The following CRY1 variants were observed in gnomAD, a reference collection of about 807,000 sequenced individuals.
The protein encoded by CRY1 is cryptochrome circadian regulator 1, also known as cryptochrome-1.
Under a neutral mutation model 76.0 loss-of-function variants are expected in CRY1, and 45 were observed. The observed-to-expected ratio is 0.59, with a 90% CI of 0.47 to 0.76. The LOEUF (loss-of-function observed/expected upper bound fraction) is 0.76. CRY1 is among the 30% of genes least tolerant of loss of function. The pLI is 0.00. For synonymous variants in CRY1, 248 were observed against 244.0 expected (o/e 1.02, Z -0.15); for missense variants, 587 against 716.4 (o/e 0.82, Z 2.06).
intron 1 of CRY1, among the ~76,000 whole-genome samples, chr12:107,078,731 T>G (rs1953287701): frequency 6.6e-6 from 1 of 152,154 alleles, no homozygotes; most frequent in African/African-American, 2.4e-5. Context: ...AACTCACTCT[T>G]TTCCTCACCT....
At chr12:107,092,146 T>C (rs1160482152) in intron 1 of CRY1, among the ~76,000 whole-genome samples, 1 of 152,196 alleles carries the variant, frequency 6.6e-6, no homozygotes, top group African/African-American at 2.4e-5. Flanking sequence ...CTAACAATCA[T>C]GTAGCCTGGT....
intron 1 of CRY1, among the ~76,000 whole-genome samples, chr12:107,039,819 CAA>C (rs1364064305): frequency 6.6e-6 from 1 of 151,996 alleles, no homozygotes; most frequent in Non-Finnish European, 1.5e-5. Context: ...GGTTTTTATC[CAA>C]AAGAACTAAA....
At chr12:107,067,210 A>G (rs2136888739) in intron 1 of CRY1, among the ~76,000 whole-genome samples, 1 of 152,260 alleles carries the variant, frequency 6.6e-6, no homozygotes, top group Middle Eastern at 3.4e-3. Context: ...GGGCTGCATA[A>G]AAAAAAGAAG....
intron 1 of CRY1, among the ~76,000 whole-genome samples, chr12:107,044,349 C>T (rs1952828159): frequency 6.6e-6 from 1 of 152,160 alleles, no homozygotes; most frequent in African/African-American, 2.4e-5. Flanking sequence ...TATGCTGCTG[C>T]AGCTGCTGCC....
intron 2 of CRY1, among the ~76,000 whole-genome samples, chr12:107,013,811 T>C (rs1952469911): frequency 6.6e-6 from 1 of 152,230 alleles, no homozygotes. Flanking sequence ...AAATAAGCTA[T>C]TTTAAAAGAT....
chr12:107,007,512 A>G (rs1233657915), intron 2 of CRY1, among the ~76,000 whole-genome samples: 1 of 151,914 alleles, frequency 6.6e-6, no homozygotes, highest in African/African-American at 2.4e-5. Context: ...TCAATGAATG[A>G]CAGGAACTCT....
chr12:106,991,815 T>G lies in CRY1; in HGVS notation c.*187A>C, dbSNP rs1952183429. 6.6e-6 allele frequency: 1 copy of G among 152,620 alleles called. No homozygotes were observed. The allele number at this position is 152,620 out of a possible 1,614,324, so 9.5% of individuals were successfully genotyped here. A position where few individuals can be genotyped will look rare whatever the true frequency, so the allele number is the denominator to read the frequency against. On this transcript the variant is annotated 3_prime_UTR_variant, in exon 13 of 13. Transcript: ENST00000008527. ...AAATTCTCTTGCCAAGTTCTTTATATACAAATTACCAATTGTCCTCTGTGA... is the reference window on the plus strand; with the variant it reads ...AAATTCTCTTGCCAAGTTCTTTATAGACAAATTACCAATTGTCCTCTGTGA...
chr12:107,034,900 T>C (rs374236320), intron 1 of CRY1, among the ~76,000 whole-genome samples: 26 of 152,338 alleles, frequency 1.7e-4, no homozygotes, highest in African/African-American at 5.8e-4. Context: ...TTGTAACTTA[T>C]GCCTCTCTGA....
At chr12:107,079,366 G>T (rs1953295343) in intron 1 of CRY1, among the ~76,000 whole-genome samples, 1 of 152,150 alleles carries the variant, frequency 6.6e-6, no homozygotes, top group Non-Finnish European at 1.5e-5. Flanking sequence ...CAGCCTATTT[G>T]AGAAGTCAAG....
intron 10 of CRY1, among the ~76,000 whole-genome samples, chr12:106,994,636 T>C (rs1952213700): frequency 6.6e-6 from 1 of 152,204 alleles, no homozygotes; most frequent in Non-Finnish European, 1.5e-5. Context: ...TGAAGCAAAA[T>C]TGTCCCAATT....
In CRY1 at chr12:106,999,583, C is replaced by T; in HGVS notation, c.1105G>A (p.Asp369Asn). The change falls in exon 7 of 13, where the codon GAC (aspartate) becomes AAC (asparagine). Residue 369 changes from aspartate to asparagine, a missense_variant. Coordinates refer to ENST00000008527, the MANE Select transcript of CRY1 (RefSeq NM_004075.5). ...CCTTCTTCCCAACTAATCCACAGGT[C>T]CCCTCGTGTCAGGAAGCAAGCAACT... Reference protein sequence around the residue: ...HAVACFLTRGDLWISWEEGMK... With the variant: ...HAVACFLTRGNLWISWEEGMK... The T allele has an allele frequency of 1.2e-6, 2 of 1,613,902 alleles. No homozygotes were observed. The highest frequency in any genetic ancestry group is 1.3e-5 in the African/African-American group (1 of 75,048).
intron 1 of CRY1, among the ~76,000 whole-genome samples, chr12:107,044,927 A>T (rs1459448970): frequency 6.6e-6 from 1 of 152,210 alleles, no homozygotes; most frequent in African/African-American, 2.4e-5. Flanking sequence ...GTTTCAGAAG[A>T]AGAAGGGAAA....
intron 1 of CRY1, among the ~76,000 whole-genome samples, chr12:107,022,511 CTT>C (rs1952570465): frequency 6.6e-6 from 1 of 151,562 alleles, no homozygotes; most frequent in Non-Finnish European, 1.5e-5. Context: ...ATTGTTTAAA[CTT>C]GATGAAATAT....
intron 1 of CRY1, among the ~76,000 whole-genome samples, chr12:107,082,007 TA>T (rs1305104836): frequency 6.6e-6 from 1 of 151,862 alleles, no homozygotes; most frequent in Non-Finnish European, 1.5e-5. Context: ...TCTAAAAACA[TA>T]AAAGCAGCTT....
At chr12:107,000,399 T>A (rs997075633) in intron 5 of CRY1, among the ~76,000 whole-genome samples, 4 of 152,032 alleles carry the variant, frequency 2.6e-5, no homozygotes, top group African/African-American at 9.7e-5. Context: ...TCACCCAGGC[T>A]GGAGTGCAGT....
intron 1 of CRY1, among the ~76,000 whole-genome samples, chr12:107,075,546 T>C (rs1953242142): frequency 6.6e-6 from 1 of 152,132 alleles, no homozygotes; most frequent in African/African-American, 2.4e-5. Flanking sequence ...AGTCTGCGGG[T>C]GTAATTTACA....
chr12:107,065,526 T>C (rs987183335), intron 1 of CRY1, among the ~76,000 whole-genome samples: 3 of 150,772 alleles, frequency 2.0e-5, no homozygotes, highest in Middle Eastern at 3.4e-3. Context: ...ACACTGGAGG[T>C]TGAGGTTGCA....
chr12:107,029,455 G>A (rs1461449185), intron 1 of CRY1, among the ~76,000 whole-genome samples: 3 of 151,914 alleles, frequency 2.0e-5, no homozygotes, highest in South Asian at 2.1e-4. Context: ...CTAGCTGGGC[G>A]TGGTGGCGTA....
At chr12:107,082,938 T>C (rs12367680) in intron 1 of CRY1, among the ~76,000 whole-genome samples, 13,818 of 152,068 alleles carry the variant, frequency 0.091, 942 homozygotes, top group Admixed American at 0.22. Flanking sequence ...ACAAAATTGA[T>C]AGACTGCTAG....
Sources: allele counts gnomAD v4.1 joint callset (sites outside exome capture counted in the v4.1 genomes callset), GRCh38; gene constraint gnomAD v4.1.1; transcripts MANE v1.5; gene names NCBI Gene and HGNC (gene_info 2026-07-23, HGNC 2026-07-21).